Variants in NCAM2 observed in about 807,000 individuals in gnomAD.
The protein encoded by NCAM2 is neural cell adhesion molecule 2, also known as N-CAM-2.
In NCAM2, 30 loss-of-function variants were observed where a neutral mutation model predicts 98.1. The ratio of observed to expected loss-of-function variants is 0.31; its 90% CI spans 0.23 to 0.41. The LOEUF is 0.41. Among genes scored for constraint, NCAM2 ranks in the 10% least tolerant of loss-of-function variants. The pLI is 1.00. For synonymous variants in NCAM2, 368 were observed against 342.4 expected, an observed-to-expected ratio of 1.07 and a Z score of -0.83; for missense variants, 867 against 1,005.8, an observed-to-expected ratio of 0.86 and a Z score of 1.87.
At chr21:21,313,639 C>A (rs73320700) in intron 5 of NCAM2, among the ~76,000 whole-genome samples, 4,599 of 151,832 alleles carry the variant, frequency 0.03, 218 homozygotes, top group African/African-American at 0.11. Context: ...ATATTTTATT[C>A]ATTATGCCAG....
In NCAM2 at chr21:21,142,671, G is replaced by A. The variant is rs1438082657; in HGVS notation, c.56-137907G>A. ...TGGGATTACAGGCGTGAGCCACTGCGCCCAGCCTTGACCATTATTTTTATT... is the reference window on the plus strand; with the variant it reads ...TGGGATTACAGGCGTGAGCCACTGCACCCAGCCTTGACCATTATTTTTATT... On this transcript the variant is annotated intron_variant, in intron 1 of 17. Transcript: ENST00000400546. 3.9e-5 allele frequency among the ~76,000 whole-genome samples: 6 copies of A among 152,178 alleles called. No individual in the cohort carries two copies. The East Asian group carries it at 5.8e-4, about 15-fold the overall frequency.
At chr21:21,304,224 G>T (rs983653559) in intron 5 of NCAM2, among the ~76,000 whole-genome samples, 2 of 151,854 alleles carry the variant, frequency 1.3e-5, no homozygotes, top group African/African-American at 2.4e-5. Flanking sequence ...CTTCTTTCTA[G>T]AAGTTTTGTA....
intron 6 of NCAM2, among the ~76,000 whole-genome samples, chr21:21,326,119 G>A (rs232475): frequency 0.72 from 108,913 of 152,048 alleles, 39,301 homozygotes; most frequent in Non-Finnish European, 0.78. Context: ...CTGTGAATTC[G>A]TCCTGACGTG....
At chr21:21,279,278 TC>T (rs1202870042) in intron 1 of NCAM2, among the ~76,000 whole-genome samples, 1 of 152,206 alleles carries the variant, frequency 6.6e-6, no homozygotes, top group Non-Finnish European at 1.5e-5. Context: ...CCTTGTAATC[TC>T]CCTTCACCAT....
intron 15 of NCAM2, among the ~76,000 whole-genome samples, chr21:21,486,173 G>A (rs1196729483): frequency 5.9e-5 from 9 of 151,716 alleles, no homozygotes; most frequent in South Asian, 2.1e-4. Context: ...GCGTGGTGGC[G>A]GGCGCCTGTA....
intron 1 of NCAM2, among the ~76,000 whole-genome samples, chr21:21,100,636 G>A (rs1185823672): frequency 1.3e-5 from 2 of 152,016 alleles, no homozygotes; most frequent in Non-Finnish European, 2.9e-5. Flanking sequence ...AGTAGAAAGC[G>A]GTTTTAAATT....
intron 8 of NCAM2, among the ~76,000 whole-genome samples, chr21:21,365,934 T>C (rs1051769139): frequency 6.6e-6 from 1 of 150,408 alleles, no homozygotes; most frequent in African/African-American, 2.4e-5. Context: ...TCGATTGATA[T>C]ATTTAGTTCT....
chr21:21,025,431 A>G (rs1172055221), intron 1 of NCAM2, among the ~76,000 whole-genome samples: 2 of 152,136 alleles, frequency 1.3e-5, no homozygotes, highest in Non-Finnish European at 2.9e-5. Context: ...GTTTCTGTGT[A>G]TGAGAGACGT....
At chr21:21,477,019 A>T (rs1461754897) in intron 14 of NCAM2, among the ~76,000 whole-genome samples, 1 of 152,046 alleles carries the variant, frequency 6.6e-6, no homozygotes, top group Non-Finnish European at 1.5e-5. Flanking sequence ...TAAAAAAAAA[A>T]ATCCTAATGG....
intron 1 of NCAM2, among the ~76,000 whole-genome samples, chr21:21,131,764 G>A (rs1459805963): frequency 6.6e-6 from 1 of 151,976 alleles, no homozygotes; most frequent in Non-Finnish European, 1.5e-5. Flanking sequence ...TCAATTTTAT[G>A]CATATATTTT....
chr21:21,395,800 GGCA>G, intron 9 of NCAM2, among the ~76,000 whole-genome samples: 1 of 126,020 alleles, frequency 7.9e-6, no homozygotes, highest in East Asian at 3.9e-4. Context: ...TGGGATAATT[GGCA>G]AGCCACAAGT....
At chr21:21,000,563 T>G (rs1399364861) in intron 1 of NCAM2, among the ~76,000 whole-genome samples, 1 of 152,034 alleles carries the variant, frequency 6.6e-6, no homozygotes, top group East Asian at 1.9e-4. Context: ...TACGAGGTGG[T>G]TATGAAGAGG....
chr21:21,317,823 C>A (rs758575644), intron 5 of NCAM2, among the ~76,000 whole-genome samples: 1 of 152,150 alleles, frequency 6.6e-6, no homozygotes, highest in Non-Finnish European at 1.5e-5. Context: ...GTGCGAGCCA[C>A]CAGGCCTTGA....
At chr21:21,477,953 TA>T (rs1985380962) in intron 15 of NCAM2, among the ~76,000 whole-genome samples, 1 of 152,146 alleles carries the variant, frequency 6.6e-6, no homozygotes. Context: ...TATAATTCCA[TA>T]AAGACCTATA....
chr21:21,387,375 G>A (rs555665627), intron 9 of NCAM2, among the ~76,000 whole-genome samples: 1 of 152,142 alleles, frequency 6.6e-6, no homozygotes, highest in East Asian at 1.9e-4. Flanking sequence ...AGCAATTTAG[G>A]GAGGACACAA....
chr21:21,469,322 T>C (rs1172343374), intron 14 of NCAM2, among the ~76,000 whole-genome samples: 2 of 151,950 alleles, frequency 1.3e-5, no homozygotes, highest in East Asian at 3.9e-4. Context: ...AGATTTTTGA[T>C]AGAGGTTAGA....
chr21:21,344,747 C>T (rs897555948), intron 8 of NCAM2, among the ~76,000 whole-genome samples: 2 of 152,146 alleles, frequency 1.3e-5, no homozygotes, highest in Non-Finnish European at 2.9e-5. Flanking sequence ...GGCTTTGCCT[C>T]CTGCTGATTG....
intron 5 of NCAM2, among the ~76,000 whole-genome samples, chr21:21,320,283 A>G (rs2074342515): frequency 6.6e-6 from 1 of 152,210 alleles, no homozygotes; most frequent in Admixed American, 6.5e-5. Flanking sequence ...CATTTGTTTA[A>G]AAAGAATTGT....
At chr21:21,326,777 C>G (rs2074522594) in intron 6 of NCAM2, among the ~76,000 whole-genome samples, 1 of 151,954 alleles carries the variant, frequency 6.6e-6, no homozygotes, top group Admixed American at 6.6e-5. Flanking sequence ...GTTCTAGTCT[C>G]TGGATATAAA....
Sources: gnomAD v4.1 joint callset for allele counts (sites outside exome capture counted in the v4.1 genomes callset) on GRCh38, gnomAD v4.1.1 for gene constraint, MANE v1.5 for transcripts, NCBI Gene and HGNC (gene_info 2026-07-23, HGNC 2026-07-21) for gene names.